The following KALRN variants were observed in gnomAD, a reference collection of about 807,000 sequenced individuals.
KALRN encodes kalirin RhoGEF kinase.
Under a neutral mutation model 353.7 loss-of-function variants are expected in KALRN, and 70 were observed. The ratio of observed to expected loss-of-function variants is 0.20; its 90% CI spans 0.16 to 0.24. The LOEUF (loss-of-function observed/expected upper bound fraction) is 0.24, where lower values mean the gene tolerates loss of function less well. Among genes scored for constraint, KALRN ranks in the 10% least tolerant of loss-of-function variants. The pLI, the probability that KALRN is intolerant of heterozygous loss-of-function variation, is 1.00. For missense variants in KALRN, 2,791 were observed against 3,756.7 expected (o/e 0.74, Z 6.72); for synonymous variants, 1,391 against 1,434.8 (o/e 0.97, Z 0.69).
intron 34 of KALRN, among the ~76,000 whole-genome samples, chr3:124,606,196 G>A (rs774025100): frequency 2.0e-5 from 3 of 152,206 alleles, no homozygotes; most frequent in Non-Finnish European, 4.4e-5. Flanking sequence ...ACATTGATTG[G>A]AGTTTGTGTA....
rs75068763 is a variant in KALRN at position 124,524,599 on chromosome 3, A to G, written c.4935+28186A>G. ...CACTGCAACACAAGGACTGAACATA[A>G]GAGAAAACAGGTTGAGTTGTGGGAG... On this transcript the variant is annotated intron_variant, in intron 33 of 59. Coordinates refer to ENST00000682506, the MANE Select transcript of KALRN (RefSeq NM_001388419.1). Among the ~76,000 whole-genome samples the G allele has an allele frequency of 5.4e-3, 823 of 152,360 alleles. 4 individuals are homozygous for G. Among genetic ancestry groups the G allele is most frequent in the African/African-American group, 0.012 (498 of 41,592 alleles).
intron 6 of KALRN, among the ~76,000 whole-genome samples, chr3:124,313,478 CT>C (rs756842735): frequency 3.3e-5 from 5 of 152,202 alleles, no homozygotes; most frequent in Non-Finnish European, 7.3e-5. Context: ...TTTCTTCTGA[CT>C]CAGTAGGAGC....
At chr3:124,181,395 A>G (rs532779921) in intron 1 of KALRN, among the ~76,000 whole-genome samples, 1 of 152,320 alleles carries the variant, frequency 6.6e-6, no homozygotes, top group Admixed American at 6.5e-5. Flanking sequence ...ACCAAGCAAG[A>G]GTCCTATTAC....
intron 10 of KALRN, among the ~76,000 whole-genome samples, chr3:124,349,682 A>C (rs1328112601): frequency 6.6e-6 from 1 of 152,176 alleles, no homozygotes; most frequent in Non-Finnish European, 1.5e-5. Flanking sequence ...TAAAATGGTT[A>C]TAATTGTAAG....
rs1417572161 is a variant in KALRN, at chr3:124,724,209, T to C, written c.*4739T>C. On this transcript the variant is annotated 3_prime_UTR_variant, in exon 60 of 60. Coordinates refer to ENST00000682506, the MANE Select transcript of KALRN (RefSeq NM_001388419.1). ...AATATGATATAAACTAAATTTTGCA[T>C]TAACTAAAACTTTGTCCCATGCATT... 6.6e-6 allele frequency: 1 copy of C among 152,184 alleles called. No individual in the cohort carries two copies. Among genetic ancestry groups the C allele is most frequent in the African/African-American group, 2.4e-5 (1 of 41,452 alleles). 9.4% of individuals were successfully genotyped at this position (152,184 alleles called of 1,614,324 possible). A position where few individuals can be genotyped will look rare whatever the true frequency, so the allele number is the denominator to read the frequency against.
At chr3:124,203,255 C>G (rs1413017147) in intron 1 of KALRN, among the ~76,000 whole-genome samples, 1 of 152,176 alleles carries the variant, frequency 6.6e-6, no homozygotes, top group African/African-American at 2.4e-5. Flanking sequence ...GATAGTCTGG[C>G]TCGTTATCCC....
At chr3:124,608,566 G>A (rs1038602800) in intron 34 of KALRN, among the ~76,000 whole-genome samples, 52 of 152,088 alleles carry the variant, frequency 3.4e-4, no homozygotes, top group African/African-American at 1.1e-3. Context: ...TCTGTGGACC[G>A]TATGTTTTTG....
intron 56 of KALRN, 86 bp downstream of exon 56, chr3:124,700,119 G>A: frequency 7.5e-7 from 1 of 1,333,840 alleles, no homozygotes; most frequent in Non-Finnish European, 1.1e-6. Flanking sequence ...ACGTTGACAT[G>A]TCAGGCCACC....
chr3:124,342,648 A>G (rs1278390083), intron 9 of KALRN, among the ~76,000 whole-genome samples: 1 of 152,118 alleles, frequency 6.6e-6, no homozygotes, highest in Non-Finnish European at 1.5e-5. Flanking sequence ...AACAATTTAT[A>G]ATTTATTTTT....
At chr3:124,566,182 AG>A (rs1212011419) in intron 34 of KALRN, among the ~76,000 whole-genome samples, 1 of 152,178 alleles carries the variant, frequency 6.6e-6, no homozygotes, top group African/African-American at 2.4e-5. Flanking sequence ...CTCTGAATAC[AG>A]AGGTCCCCGA....
chr3:124,602,237 A>C (rs1283043678), intron 34 of KALRN, among the ~76,000 whole-genome samples: 1 of 152,184 alleles, frequency 6.6e-6, no homozygotes, highest in Non-Finnish European at 1.5e-5. Flanking sequence ...GGAAGGAAGA[A>C]GTCAGAAGTC....
At chr3:124,102,957 T>G (rs754906638) in intron 1 of KALRN, among the ~76,000 whole-genome samples, 2 of 152,180 alleles carry the variant, frequency 1.3e-5, no homozygotes, top group Admixed American at 6.5e-5. Flanking sequence ...GTTTCACAGA[T>G]AGGAAACAGG....
chr3:124,415,767 C>A (rs993914937), intron 14 of KALRN, among the ~76,000 whole-genome samples: 1 of 152,182 alleles, frequency 6.6e-6, no homozygotes, highest in Non-Finnish European at 1.5e-5. Context: ...ACTGACCCAA[C>A]ATGTTGCTAC....
At chr3:124,286,097 T>TTCTTTCTC (rs1458325061) in intron 5 of KALRN, among the ~76,000 whole-genome samples, 4 of 143,482 alleles carry the variant, frequency 2.8e-5, no homozygotes, top group Non-Finnish European at 6.0e-5. Context: ...CTTTCTTTCT[T>TTCTTTCTC]TCTTTCTTTC....
chr3:124,467,262 A>G (rs921132819), intron 25 of KALRN, among the ~76,000 whole-genome samples: 1 of 152,202 alleles, frequency 6.6e-6, no homozygotes, highest in African/African-American at 2.4e-5. Context: ...GGGCACCCCA[A>G]TGAGCGACTG....
At chr3:124,634,788 C>A (rs932409420) in intron 36 of KALRN, among the ~76,000 whole-genome samples, 4 of 152,010 alleles carry the variant, frequency 2.6e-5, no homozygotes, top group African/African-American at 9.7e-5. Context: ...ATGGCACTTT[C>A]CATTTGCTTT....
intron 33 of KALRN, among the ~76,000 whole-genome samples, chr3:124,532,940 A>G (rs981293352): frequency 1.5e-4 from 19 of 126,462 alleles, no homozygotes; most frequent in African/African-American, 2.6e-4. Context: ...CTTTTATGGG[A>G]AAAAAAAAAA....
chr3:124,040,786 A>G (rs1228827917), intron 1 of KALRN, among the ~76,000 whole-genome samples: 2 of 152,234 alleles, frequency 1.3e-5, no homozygotes, highest in Non-Finnish European at 2.9e-5. Context: ...TAGAAGCACA[A>G]GAAATCCTAG....
intron 1 of KALRN, among the ~76,000 whole-genome samples, chr3:124,107,024 T>C (rs1380166841): frequency 6.6e-6 from 1 of 152,172 alleles, no homozygotes; most frequent in Non-Finnish European, 1.5e-5. Context: ...TGGCACTTCT[T>C]GGTTCTCCTG....
Sources: allele counts gnomAD v4.1 joint callset (sites outside exome capture counted in the v4.1 genomes callset), GRCh38; gene constraint gnomAD v4.1.1; transcripts MANE v1.5; gene names NCBI Gene and HGNC (gene_info 2026-07-23, HGNC 2026-07-21).